The following DNAJC5B variants were observed in gnomAD, a reference collection of about 807,000 sequenced individuals.
DNAJC5B encodes dnaJ homolog subfamily C member 5B.
DNAJC5B carries 23 observed loss-of-function variants against 24.7 expected under a neutral mutation model. The observed-to-expected ratio is 0.93, with a 90% CI of 0.67 to 1.32. DNAJC5B has a LOEUF of 1.32. DNAJC5B is among the 40% of genes most tolerant of loss of function. DNAJC5B has a pLI of 0.00. For missense variants in DNAJC5B, 238 were observed against 240.8 expected (o/e 0.99, Z 0.08); for synonymous variants, 101 against 90.1 (o/e 1.12, Z -0.68).
At chr8:66,043,908 C>G (rs886390851) in intron 2 of DNAJC5B, among the ~76,000 whole-genome samples, 5 of 149,882 alleles carry the variant, frequency 3.3e-5, no homozygotes, top group Admixed American at 1.3e-4. Flanking sequence ...ATCACTGCAA[C>G]CTCTGCCTCC....
chr8:66,030,762 G>A (rs987476619), intron 1 of DNAJC5B, among the ~76,000 whole-genome samples: 3 of 152,070 alleles, frequency 2.0e-5, no homozygotes, highest in South Asian at 2.1e-4. Context: ...TCAGCCTCCC[G>A]AGTAGCTGAG....
At position 66,042,723 on chromosome 8, in the gene DNAJC5B, C is replaced by T. The variant is rs568879814; in HGVS notation, c.-141-765C>T. Among the ~76,000 whole-genome samples, 12 of 125,328 alleles carry T rather than the reference C, an allele frequency of 9.6e-5. No homozygotes were observed. The East Asian group carries it at 2.6e-3, about 27-fold the overall frequency. 82.2% of individuals were successfully genotyped at this position (125,328 alleles called of 152,430 possible). On this transcript the variant is annotated intron_variant, in intron 1 of 5. Transcript: ENST00000276570. The stretch of plus-strand genomic sequence containing the variant: ...CCTCCCCCTCCCCCCTCCCCCTCCT[C>T]GCACCCCTCTTCTTCGTCTTCTTCT...
intron 1 of DNAJC5B, among the ~76,000 whole-genome samples, chr8:66,024,199 C>T (rs1806202965): frequency 1.3e-5 from 2 of 152,044 alleles, no homozygotes; most frequent in Admixed American, 1.3e-4. Flanking sequence ...AATTATGAAG[C>T]AATTACCAAC....
chr8:66,068,696 G>A (rs974008269), intron 3 of DNAJC5B, among the ~76,000 whole-genome samples: 2 of 151,986 alleles, frequency 1.3e-5, no homozygotes, highest in South Asian at 2.1e-4. Context: ...ACAACATGTC[G>A]ATTTTCCAGG....
chr8:66,037,899 C>T (rs930659326), intron 1 of DNAJC5B, among the ~76,000 whole-genome samples: 6 of 152,172 alleles, frequency 3.9e-5, no homozygotes, highest in African/African-American at 1.4e-4. Context: ...CAAGTTGAAA[C>T]GTTCCACTGA....
chr8:66,075,381 G>C (rs779466891), intron 3 of DNAJC5B, among the ~76,000 whole-genome samples: 25 of 152,180 alleles, frequency 1.6e-4, no homozygotes, highest in Middle Eastern at 6.8e-3. Context: ...ACCATGGGGG[G>C]GGAAATGCTG....
At chr8:66,051,444 T>C (rs1806841561) in intron 2 of DNAJC5B, 87 bp from the exon 3 acceptor site, 2 of 799,892 alleles carry the variant, frequency 2.5e-6, no homozygotes, top group East Asian at 4.9e-5. Flanking sequence ...AATTGTCATT[T>C]TACAAAAGGT....
intron 1 of DNAJC5B, among the ~76,000 whole-genome samples, chr8:66,023,164 G>C (rs1806178126): frequency 6.6e-6 from 1 of 152,212 alleles, no homozygotes; most frequent in African/African-American, 2.4e-5. Context: ...TATCAAGCTA[G>C]TTAGTGCTGG....
At chr8:66,081,254 T>G (rs1421834303) in intron 5 of DNAJC5B, among the ~76,000 whole-genome samples, 1 of 152,120 alleles carries the variant, frequency 6.6e-6, no homozygotes, top group Non-Finnish European at 1.5e-5. Context: ...GCACCAGGAA[T>G]ACTTTACGTC....
chr8:66,029,738 G>T (rs897722920), intron 1 of DNAJC5B, among the ~76,000 whole-genome samples: 1 of 152,144 alleles, frequency 6.6e-6, no homozygotes, highest in African/African-American at 2.4e-5. Context: ...GAGAGGGTGA[G>T]TGAAAGGAGA....
chr8:66,080,587 C>T, intron 5 of DNAJC5B, 39 bp downstream of exon 5: 1 of 1,526,098 alleles, frequency 6.6e-7, no homozygotes, highest in Non-Finnish European at 8.8e-7. Flanking sequence ...AGTGTCCATT[C>T]ATAGGCCTGA....
chr8:66,041,454 A>G (rs918370992), intron 1 of DNAJC5B, among the ~76,000 whole-genome samples: 1 of 152,188 alleles, frequency 6.6e-6, no homozygotes. Flanking sequence ...GTGGCAATTG[A>G]AAGAGGTGTA....
chr8:66,048,562 A>C (rs1019282684), intron 2 of DNAJC5B, among the ~76,000 whole-genome samples: 3 of 152,264 alleles, frequency 2.0e-5, no homozygotes, highest in Admixed American at 1.3e-4. Context: ...AGTGGGCATC[A>C]TCTGGTCTAA....
intron 1 of DNAJC5B, among the ~76,000 whole-genome samples, chr8:66,029,663 G>A (rs1311204207): frequency 6.6e-6 from 1 of 152,170 alleles, no homozygotes; most frequent in African/African-American, 2.4e-5. Context: ...GGAAGAGAGT[G>A]GACTTTAGAG....
At chr8:66,090,750 C>T (rs1807830154) in intron 5 of DNAJC5B, among the ~76,000 whole-genome samples, 2 of 152,122 alleles carry the variant, frequency 1.3e-5, no homozygotes, top group Admixed American at 6.5e-5. Context: ...GTATTCATCA[C>T]ATCTTACTGC....
At chr8:66,061,148 G>A (rs112439609) in intron 3 of DNAJC5B, among the ~76,000 whole-genome samples, 2,391 of 152,248 alleles carry the variant, frequency 0.016, 54 homozygotes, top group African/African-American at 0.054. Context: ...GAGTGTGGTG[G>A]TGCTTGCCTA....
At chr8:66,063,421 A>G (rs1807125444) in intron 3 of DNAJC5B, among the ~76,000 whole-genome samples, 1 of 152,220 alleles carries the variant, frequency 6.6e-6, no homozygotes, top group Admixed American at 6.5e-5. Flanking sequence ...AAGAATTGTA[A>G]ATATTTACAA....
the DNAJC5B span, among the ~76,000 whole-genome samples, chr8:66,015,685 T>A: frequency 6.6e-6 from 1 of 152,304 alleles, no homozygotes; most frequent in African/African-American, 2.4e-5. Flanking sequence ...GGTATTATCC[T>A]TGGTCTGAGA....
At chr8:66,042,072 G>A (rs1806622411) in intron 1 of DNAJC5B, among the ~76,000 whole-genome samples, 1 of 152,136 alleles carries the variant, frequency 6.6e-6, no homozygotes, top group South Asian at 2.1e-4. Flanking sequence ...CGTTCTTGCA[G>A]CATCTCTCCA....
Sources: allele counts gnomAD v4.1 joint callset (sites outside exome capture counted in the v4.1 genomes callset), GRCh38; gene constraint gnomAD v4.1.1; transcripts MANE v1.5; gene names NCBI Gene and HGNC (gene_info 2026-07-23, HGNC 2026-07-21).